The following CADPS2 variants were observed in gnomAD, a reference collection of about 807,000 sequenced individuals.
The protein encoded by CADPS2 is calcium dependent secretion activator 2, also known as calcium-dependent secretion activator 2.
CADPS2 carries 93 observed loss-of-function variants against 172.5 expected under a neutral mutation model. The ratio of observed to expected loss-of-function variants is 0.54; its 90% CI spans 0.46 to 0.64. The LOEUF (loss-of-function observed/expected upper bound fraction) is 0.64, where lower values mean the gene tolerates loss of function less well. Ranked by LOEUF, CADPS2 falls within the 30% of genes least tolerant of loss-of-function variation. The pLI is 0.00. For synonymous variants in CADPS2, 546 were observed against 555.2 expected (o/e 0.98, Z 0.23); for missense variants, 1,420 against 1,565.9 (o/e 0.91, Z 1.57).
At chr7:122,586,262 C>A (rs1328525451) in intron 6 of CADPS2, among the ~76,000 whole-genome samples, 3 of 151,910 alleles carry the variant, frequency 2.0e-5, no homozygotes, top group Non-Finnish European at 1.5e-5. Context: ...CTTGGGATTT[C>A]TATTCTAATA....
chr7:122,538,478 T>C (rs2062570371), intron 8 of CADPS2, among the ~76,000 whole-genome samples: 1 of 151,524 alleles, frequency 6.6e-6, no homozygotes, highest in South Asian at 2.1e-4. Flanking sequence ...TTAAATTTTA[T>C]TTAATTTTAA....
chr7:122,600,271 T>A (rs968260417), intron 6 of CADPS2, among the ~76,000 whole-genome samples: 5 of 152,088 alleles, frequency 3.3e-5, no homozygotes, highest in Admixed American at 2.0e-4. Context: ...AAAGCTAAGC[T>A]GAGATTGGTG....
At chr7:122,494,961 T>G (rs528980355) in intron 9 of CADPS2, among the ~76,000 whole-genome samples, 142 of 152,032 alleles carry the variant, frequency 9.3e-4, no homozygotes, top group African/African-American at 3.3e-3. Flanking sequence ...TGGGTGTTTT[T>G]GGGGGTAAGG....
At chr7:122,885,875 C>T (rs1463092196) in intron 1 of CADPS2, 124 bp downstream of exon 1, 1 of 1,204,504 alleles carries the variant, frequency 8.3e-7, no homozygotes, top group Non-Finnish European at 1.2e-6. Context: ...TTCCTCTGCC[C>T]TCAGAGACTA....
intron 1 of CADPS2, among the ~76,000 whole-genome samples, chr7:122,779,513 C>A (rs954813023): frequency 5.9e-5 from 9 of 152,168 alleles, no homozygotes; most frequent in Admixed American, 1.3e-4. Flanking sequence ...TCAAATCTGC[C>A]CTCTCAAAAA....
rs71161313 is a variant in CADPS2 at position 122,637,171 on chromosome 7, C to CT, written c.787-7844dup. 3.0e-4 allele frequency among the ~76,000 whole-genome samples: 16 copies of CT among 53,904 alleles called. 4 individuals carry two copies. Among genetic ancestry groups the CT allele is most frequent in the African/African-American group, 8.8e-4 (12 of 13,650 alleles). 35.4% of individuals were successfully genotyped at this position (53,904 alleles called of 152,430 possible). On this transcript the variant is annotated intron_variant, in intron 3 of 29. Transcript: ENST00000449022. ...CTTCTGACTGCATTATGAAATTTTGCTTTTTTTTTTTTTTTTTTTTTTTTT... is the reference window on the plus strand; with the variant it reads ...CTTCTGACTGCATTATGAAATTTTGCTTTTTTTTTTTTTTTTTTTTTTTTTT...
intron 2 of CADPS2, among the ~76,000 whole-genome samples, chr7:122,704,006 A>G (rs1334908013): frequency 1.3e-5 from 2 of 152,084 alleles, no homozygotes; most frequent in Non-Finnish European, 2.9e-5. Flanking sequence ...GAGCCAATAA[A>G]TTGGCAACAC....
chr7:122,384,492 G>A (rs1350350842), intron 24 of CADPS2, among the ~76,000 whole-genome samples: 3 of 151,990 alleles, frequency 2.0e-5, no homozygotes, highest in African/African-American at 7.2e-5. Context: ...TATATGTAAT[G>A]TATATACTAA....
chr7:122,689,519 C>T (rs1236306286), intron 2 of CADPS2, among the ~76,000 whole-genome samples: 1 of 152,320 alleles, frequency 6.6e-6, no homozygotes, highest in East Asian at 1.9e-4. Context: ...GATAGAACCA[C>T]AAGGGGGCCC....
At position 122,750,639 on chromosome 7, in the gene CADPS2, C is replaced by A. The variant is rs565140308; in HGVS notation, c.340-13571G>T. On this transcript the variant is annotated intron_variant, in intron 1 of 29. Transcript: ENST00000449022. ...CTTGACATCCTGTGCAATACTAAAACCAGACAAATAGATGACACTAAGAGA... is the reference window on the plus strand; with the variant it reads ...CTTGACATCCTGTGCAATACTAAAAACAGACAAATAGATGACACTAAGAGA... Among the ~76,000 whole-genome samples the A allele has an allele frequency of 9.9e-4, 150 of 152,172 alleles. No homozygotes were observed. In the Middle Eastern group the frequency reaches 0.01, roughly 10 times the overall value.
chr7:122,391,906 G>T (rs1283728254), intron 22 of CADPS2, among the ~76,000 whole-genome samples: 1 of 152,002 alleles, frequency 6.6e-6, no homozygotes, highest in Non-Finnish European at 1.5e-5. Context: ...AACGAACCTG[G>T]GTTCAAATTT....
At chr7:122,610,056 A>G (rs1204151543) in intron 6 of CADPS2, among the ~76,000 whole-genome samples, 1 of 152,180 alleles carries the variant, frequency 6.6e-6, no homozygotes, top group Non-Finnish European at 1.5e-5. Context: ...TAATTTATTT[A>G]AAAAGTTAAC....
Position 122,505,730 on chromosome 7 carries a change from A to G in CADPS2, c.1542+7519T>C, listed in dbSNP as rs575983372. Among the ~76,000 whole-genome samples the G allele has an allele frequency of 5.3e-5, 8 of 152,294 alleles. No homozygotes were observed. In the South Asian group the frequency reaches 1.7e-3, roughly 32 times the overall value. On this transcript the variant is annotated intron_variant, in intron 9 of 29. Transcript: ENST00000449022. ...AGGTGCAATCTGGCGTTTCGAATAC[A>G]TCAACTCCAGAAGCTGCAACCTATT...
At chr7:122,329,141 GCAGTTCATCAGCTTTCTTAAA>G (rs1425795166) in intron 28 of CADPS2, among the ~76,000 whole-genome samples, 4 of 152,148 alleles carry the variant, frequency 2.6e-5, no homozygotes, top group South Asian at 2.1e-4. Context: ...ATAAACGCTT[GCAGTTCATCAGCTTTCTTAAA>G]CAGTTCATCA....
At chr7:122,375,613 C>T (rs1243721760) in intron 25 of CADPS2, among the ~76,000 whole-genome samples, 3 of 152,014 alleles carry the variant, frequency 2.0e-5, no homozygotes, top group Non-Finnish European at 4.4e-5. Context: ...TAAACACCAT[C>T]AAGTAAAAAT....
At chr7:122,564,847 GCACACA>G (rs113078322) in intron 7 of CADPS2, among the ~76,000 whole-genome samples, 3,151 of 145,470 alleles carry the variant, frequency 0.022, 104 homozygotes, top group African/African-American at 0.073. Flanking sequence ...ACACACACAT[GCACACA>G]CACACACACA....
chr7:122,369,155 T>TTTTTTTTTTGGAAACA (rs1554469782), intron 25 of CADPS2, among the ~76,000 whole-genome samples: 3 of 99,464 alleles, frequency 3.0e-5, no homozygotes, highest in Non-Finnish European at 3.9e-5. Context: ...TTTTTTTTTT[T>TTTTTTTTTTGGAAACA]GAGTCTCGCT....
At chr7:122,697,800 A>G in intron 2 of CADPS2, 1 of 1,580,762 alleles carries the variant, frequency 6.3e-7, no homozygotes, top group African/African-American at 1.4e-5. Context: ...AAGGTGAAGG[A>G]TGAACATCTT....
chr7:122,735,350 G>C (rs968895240), intron 2 of CADPS2, among the ~76,000 whole-genome samples: 1 of 152,026 alleles, frequency 6.6e-6, no homozygotes, highest in Non-Finnish European at 1.5e-5. Context: ...ACTTACATAT[G>C]GCATGTTTCA....
Sources: allele counts gnomAD v4.1 joint callset (sites outside exome capture counted in the v4.1 genomes callset), GRCh38; gene constraint gnomAD v4.1.1; transcripts MANE v1.5; gene names NCBI Gene and HGNC (gene_info 2026-07-23, HGNC 2026-07-21).